MAP6: variants seen among roughly 807,000 people sequenced by gnomAD.
MAP6 encodes the protein microtubule associated protein 6.
A neutral mutation model predicts 42.4 loss-of-function variants in MAP6; 26 were observed. The observed-to-expected ratio is 0.61, with a 90% CI of 0.45 to 0.85. MAP6 has a LOEUF of 0.85. Ranked by LOEUF, MAP6 falls within the 40% of genes least tolerant of loss-of-function variation. MAP6 has a pLI of 0.00. For missense variants in MAP6, 966 were observed against 1,099.0 expected, an observed-to-expected ratio of 0.88 and a Z score of 1.71; for synonymous variants, 418 against 443.8, an observed-to-expected ratio of 0.94 and a Z score of 0.73.
intron 3 of MAP6, chr11:75,604,212 C>T (rs1942717210): frequency 1.0e-6 from 1 of 985,890 alleles, no homozygotes; most frequent in Non-Finnish European, 1.2e-6. Flanking sequence ...AATTATGGCT[C>T]ATGTAGCACA....
intron 1 of MAP6, among the ~76,000 whole-genome samples, chr11:75,628,709 A>T (rs1213451689): frequency 6.6e-6 from 1 of 152,236 alleles, no homozygotes; most frequent in East Asian, 1.9e-4. Context: ...TTCCCTAAAT[A>T]TTGTACAAGT....
chr11:75,632,023 G>A (rs1033030086), intron 1 of MAP6, among the ~76,000 whole-genome samples: 1 of 152,330 alleles, frequency 6.6e-6, no homozygotes, highest in African/African-American at 2.4e-5. Context: ...AACGGAGAGT[G>A]TAAAATTATA....
intron 2 of MAP6, 106 bp from the exon 3 acceptor site, chr11:75,606,110 G>A: frequency 7.2e-7 from 1 of 1,394,418 alleles, no homozygotes; most frequent in Non-Finnish European, 9.7e-7. Flanking sequence ...GGTAATGACA[G>A]AGGTTGGCTC....
intron 3 of MAP6, chr11:75,604,581 C>T (rs968909718): frequency 2.1e-5 from 21 of 985,000 alleles, no homozygotes; most frequent in Non-Finnish European, 2.4e-5. Context: ...TTTTGAGTTC[C>T]CTCACAAGCA....
At position 75,668,424 on chromosome 11, in the gene MAP6, T is replaced by A. The variant is rs2135710643; in HGVS notation, c.-55A>T. 3 of 1,528,340 alleles carry A rather than the reference T, an allele frequency of 2.0e-6. No homozygotes were observed. The African/African-American group carries it at 4.3e-5, about 22-fold the overall frequency. The allele number at this position is 1,528,340 out of a possible 1,614,324, so 94.7% of individuals were successfully genotyped here. A position where few individuals can be genotyped will look rare whatever the true frequency, so the allele number is the denominator to read the frequency against. On this transcript the variant is annotated 5_prime_UTR_variant, in exon 1 of 4. Transcript: ENST00000304771. Reference sequence around the variant, plus strand: ...TCTTCTTGTGGTTCTAAAGCAAGTCTCTATAATCTTCCTTCAGCCTCCGAT... The same window carrying A: ...TCTTCTTGTGGTTCTAAAGCAAGTCACTATAATCTTCCTTCAGCCTCCGAT...
At chr11:75,594,523 G>C (rs949855882) in intron 3 of MAP6, 3 of 152,176 alleles carry the variant, frequency 2.0e-5, no homozygotes, top group Non-Finnish European at 4.4e-5. Flanking sequence ...GACTCTGTGG[G>C]AGTGTCTCTT....
At chr11:75,661,093 T>G (rs1040592157) in intron 1 of MAP6, among the ~76,000 whole-genome samples, 2 of 151,974 alleles carry the variant, frequency 1.3e-5, no homozygotes, top group Non-Finnish European at 2.9e-5. Context: ...TGTCAATAAA[T>G]TATAAAATTA....
intron 1 of MAP6, among the ~76,000 whole-genome samples, chr11:75,622,966 A>G (rs1943134287): frequency 6.6e-6 from 1 of 152,206 alleles, no homozygotes; most frequent in Admixed American, 6.5e-5. Context: ...GAAATTGGCT[A>G]ACACTGTAAA....
At chr11:75,623,964 C>T (rs1382931623) in intron 1 of MAP6, among the ~76,000 whole-genome samples, 4 of 152,214 alleles carry the variant, frequency 2.6e-5, no homozygotes, top group Non-Finnish European at 5.9e-5. Flanking sequence ...GTCTCACCTG[C>T]GGTGGCCAGA....
chr11:75,607,958 C>T lies in MAP6; in HGVS notation c.1119+151G>A. The T allele has an allele frequency of 5.8e-6, 4 of 691,850 alleles. No homozygotes were observed. The South Asian group carries it at 7.7e-5, about 13-fold the overall frequency. The allele number at this position is 691,850 out of a possible 1,614,324, so 42.9% of individuals were successfully genotyped here. A position where few individuals can be genotyped will look rare whatever the true frequency, so the allele number is the denominator to read the frequency against. On this transcript the variant is annotated intron_variant, in intron 2 of 3. Transcript: ENST00000304771. The stretch of plus-strand genomic sequence containing the variant: ...AACAAAGGTTCCTATTGAAGATGGC[C>T]CTGGGTCTCAGTGTGCTTTAGAGGA...
intron 2 of MAP6, 106 bp downstream of exon 2, chr11:75,608,003 C>T (rs1942811386): frequency 9.7e-7 from 1 of 1,032,638 alleles, no homozygotes; most frequent in Non-Finnish European, 1.5e-6. Context: ...TTTAAAGGTG[C>T]CCGTGGAGGC....
At chr11:75,654,343 G>C (rs1354536348) in intron 1 of MAP6, among the ~76,000 whole-genome samples, 1 of 152,118 alleles carries the variant, frequency 6.6e-6, no homozygotes, top group Non-Finnish European at 1.5e-5. Flanking sequence ...GGAATTTATA[G>C]TTCCTAATCT....
At chr11:75,622,359 C>T (rs1943125685) in intron 1 of MAP6, among the ~76,000 whole-genome samples, 1 of 152,160 alleles carries the variant, frequency 6.6e-6, no homozygotes, top group Admixed American at 6.5e-5. Context: ...ATCCTCCCAC[C>T]TTGGCCTCCC....
chr11:75,605,742 T>TAA, intron 3 of MAP6, 66 bp downstream of exon 3: 14 of 1,214,614 alleles, frequency 1.2e-5, no homozygotes, highest in Middle Eastern at 2.1e-4. Flanking sequence ...TTTGTTGGTT[T>TAA]AAAAAAAAAA....
intron 1 of MAP6, among the ~76,000 whole-genome samples, chr11:75,625,125 A>T (rs754061920): frequency 2.0e-5 from 3 of 152,134 alleles, no homozygotes; most frequent in Admixed American, 6.5e-5. Flanking sequence ...CAGGCAGGGA[A>T]GGAGAGGCAC....
chr11:75,650,550 T>A (rs577491221), intron 1 of MAP6, among the ~76,000 whole-genome samples: 3 of 152,342 alleles, frequency 2.0e-5, no homozygotes, highest in Admixed American at 6.5e-5. Context: ...CAGAGTCTGT[T>A]CCCTGAGTGA....
At chr11:75,644,305 G>T (rs141825591) in intron 1 of MAP6, among the ~76,000 whole-genome samples, 27 of 152,164 alleles carry the variant, frequency 1.8e-4, no homozygotes, top group African/African-American at 6.0e-4. Context: ...ACTGGGTAAG[G>T]TATTCAACCT....
intron 1 of MAP6, among the ~76,000 whole-genome samples, chr11:75,660,732 C>T (rs557965995): frequency 1.3e-5 from 2 of 152,254 alleles, no homozygotes; most frequent in African/African-American, 4.8e-5. Context: ...ACTATGTTGT[C>T]CCTCTGCTTA....
chr11:75,665,407 G>A (rs1943930543), intron 1 of MAP6, among the ~76,000 whole-genome samples: 1 of 152,222 alleles, frequency 6.6e-6, no homozygotes, highest in Non-Finnish European at 1.5e-5. Flanking sequence ...CATAAACTGA[G>A]TAGGATCACC....
Sources: gnomAD v4.1 joint callset for allele counts (sites outside exome capture counted in the v4.1 genomes callset) on GRCh38, gnomAD v4.1.1 for gene constraint, MANE v1.5 for transcripts, NCBI Gene and HGNC (gene_info 2026-07-23, HGNC 2026-07-21) for gene names.